NCKAP1L: variants seen among roughly 807,000 people sequenced by gnomAD.
The protein encoded by NCKAP1L is NCK associated protein 1 like, also known as nck-associated protein 1-like.
NCKAP1L carries 53 observed loss-of-function variants against 139.2 expected under a neutral mutation model. The ratio of observed to expected loss-of-function variants is 0.38; its 90% CI spans 0.31 to 0.48. The LOEUF is 0.48. Among genes scored for constraint, NCKAP1L ranks in the 20% least tolerant of loss-of-function variants. NCKAP1L has a pLI of 0.98. For missense variants in NCKAP1L, 1,151 were observed against 1,381.9 expected (o/e 0.83, Z 2.65); for synonymous variants, 468 against 499.7 (o/e 0.94, Z 0.85).
intron 13 of NCKAP1L, among the ~76,000 whole-genome samples, chr12:54,518,200 G>A (rs1213880346): frequency 6.6e-6 from 1 of 152,058 alleles, no homozygotes; most frequent in East Asian, 1.9e-4. Context: ...AAATTAGCCG[G>A]GCATGGTGGT....
chr12:54,522,063 T>C (rs1294506181), intron 18 of NCKAP1L, among the ~76,000 whole-genome samples: 1 of 152,248 alleles, frequency 6.6e-6, no homozygotes, highest in Non-Finnish European at 1.5e-5. Context: ...ACTCAATAAA[T>C]GTTACCTGCT....
chr12:54,521,304 A>C (rs1257645249), intron 18 of NCKAP1L, 66 bp downstream of exon 18: 1 of 1,585,990 alleles, frequency 6.3e-7, no homozygotes, highest in African/African-American at 1.3e-5. Context: ...CCTCTATCTA[A>C]CTTTGTTTCC....
chr12:54,503,145 T>C (rs987676834), intron 3 of NCKAP1L, among the ~76,000 whole-genome samples: 7 of 152,186 alleles, frequency 4.6e-5, no homozygotes, highest in Non-Finnish European at 8.8e-5. Context: ...CCAGCCTTTG[T>C]CTTGTATGAC....
intron 12 of NCKAP1L, 49 bp downstream of exon 12, chr12:54,517,691 C>T: frequency 1.3e-6 from 2 of 1,579,132 alleles, no homozygotes; most frequent in Non-Finnish European, 1.7e-6. Context: ...GGACTGGGGA[C>T]AGGGAGGCAT....
intron 11 of NCKAP1L, 100 bp from the exon 12 acceptor site, chr12:54,517,433 C>A (rs1425114139): frequency 2.4e-4 from 190 of 798,732 alleles, no homozygotes. Flanking sequence ...GTTGTGGCTA[C>A]ACAATTACAT....
Position 54,517,942 on chromosome 12 carries a change from T to G in NCKAP1L, c.1338+4T>G, listed in dbSNP as rs376276224. ...TGTGCTCAGTGACATCATTCAGGTATGATATTTAATTGATTATACTTTGGA... is the reference window on the plus strand; with the variant it reads ...TGTGCTCAGTGACATCATTCAGGTAGGATATTTAATTGATTATACTTTGGA... On this transcript the variant is annotated splice_donor_region_variant and intron_variant, in intron 13 of 30. Transcript: ENST00000293373. 17 of 1,613,900 alleles carry G rather than the reference T, an allele frequency of 1.1e-5. No homozygotes were observed. The highest frequency in any genetic ancestry group is 1.4e-5 in the Non-Finnish European group (16 of 1,179,924).
At chr12:54,531,426 G>C (rs144700335) in intron 23 of NCKAP1L, 65 bp from the exon 24 acceptor site, 16 of 1,606,260 alleles carry the variant, frequency 1.0e-5, no homozygotes, top group Middle Eastern at 1.6e-4. Flanking sequence ...TAGGAGACTG[G>C]GGGGGAAGAT....
intron 9 of NCKAP1L, 189 bp downstream of exon 9, chr12:54,512,294 A>T: frequency 1.9e-6 from 1 of 521,630 alleles, no homozygotes; most frequent in Middle Eastern, 5.3e-4. Flanking sequence ...AATAATGAAT[A>T]AGACAACATG....
intron 27 of NCKAP1L, 75 bp downstream of exon 27, chr12:54,535,272 T>C: frequency 9.0e-7 from 1 of 1,110,482 alleles, no homozygotes; most frequent in Non-Finnish European, 1.4e-6. Flanking sequence ...AATGTCAATG[T>C]CAAAGAAGCC....
At chr12:54,516,365 T>G (rs1162550843) in intron 10 of NCKAP1L, 70 bp downstream of exon 10, 3 of 1,420,332 alleles carry the variant, frequency 2.1e-6, no homozygotes, top group Non-Finnish European at 3.0e-6. Flanking sequence ...TGTTCTCACC[T>G]AAGCCATCCT....
At chr12:54,510,105 G>T in intron 7 of NCKAP1L, 120 bp downstream of exon 7, 1 of 1,334,818 alleles carries the variant, frequency 7.5e-7, no homozygotes, top group South Asian at 1.4e-5. Context: ...TTCTTCTAGG[G>T]TATGTCTCTA....
At chr12:54,519,450 TAA>T in intron 16 of NCKAP1L, 118 bp downstream of exon 16, 2 of 814,720 alleles carry the variant, frequency 2.5e-6, no homozygotes, top group Non-Finnish European at 3.4e-6. Flanking sequence ...TTTTTTTTTT[TAA>T]AGAGACAGAT....
chr12:54,506,794 AAAATATATATATATAT>A (rs1956842968), intron 3 of NCKAP1L, among the ~76,000 whole-genome samples: 1 of 23,748 alleles, frequency 4.2e-5, no homozygotes, highest in African/African-American at 2.4e-4. Flanking sequence ...TTAAAAAAAA[AAAATATATATATATAT>A]ATATATATAT....
At chr12:54,506,830 A>C (rs71447720) in intron 3 of NCKAP1L, among the ~76,000 whole-genome samples, 26,946 of 79,206 alleles carry the variant, frequency 0.34, 3,851 homozygotes, top group Non-Finnish European at 0.41. Flanking sequence ...TATATTCCTT[A>C]ATCTATCAAT....
chr12:54,535,143 G>A lies in NCKAP1L; in HGVS notation c.2902G>A (p.Val968Met). The A allele has an allele frequency of 6.2e-7, 1 of 1,613,780 alleles. No individual in the cohort carries two copies. The highest frequency in any genetic ancestry group is 1.1e-5 in the South Asian group (1 of 91,010). The change falls in exon 27 of 31, where the codon GTG (valine) becomes ATG (methionine). Residue 968 changes from valine to methionine, a missense_variant. Transcript: ENST00000293373. ...SIFELASAAGVGCDIDPALVA... is the reference protein window; with the variant it reads ...SIFELASAAGMGCDIDPALVA... ...CTTTGAGCTGGCATCTGCTGCAGGTGTGGGCTGTGACATTGACCCAGCCTT... is the reference window on the plus strand; with the variant it reads ...CTTTGAGCTGGCATCTGCTGCAGGTATGGGCTGTGACATTGACCCAGCCTT...
At chr12:54,507,793 G>T in intron 3 of NCKAP1L, 60 bp from the exon 4 acceptor site, 1 of 1,490,088 alleles carries the variant, frequency 6.7e-7, no homozygotes, top group East Asian at 2.3e-5. Context: ...CTCAAGTTCT[G>T]GTAGTACGTC....
At chr12:54,535,539 G>T (rs1009849282) in intron 27 of NCKAP1L, among the ~76,000 whole-genome samples, 13 of 152,154 alleles carry the variant, frequency 8.5e-5, no homozygotes, top group Admixed American at 8.5e-4. Flanking sequence ...AACAATGAGA[G>T]AACAATACAA....
At chr12:54,505,499 G>A (rs1306724270) in intron 3 of NCKAP1L, among the ~76,000 whole-genome samples, 1 of 149,460 alleles carries the variant, frequency 6.7e-6, no homozygotes, top group Non-Finnish European at 1.5e-5. Context: ...CTGGCCCCAG[G>A]CAACCACTGA....
At chr12:54,498,018 A>G in intron 1 of NCKAP1L, 127 bp downstream of exon 1, 1 of 624,082 alleles carries the variant, frequency 1.6e-6, no homozygotes, top group Non-Finnish European at 2.9e-6. Context: ...ACTATAATCT[A>G]CATAATCACT....
Sources: allele counts gnomAD v4.1 joint callset (sites outside exome capture counted in the v4.1 genomes callset), GRCh38; gene constraint gnomAD v4.1.1; transcripts MANE v1.5; gene names NCBI Gene and HGNC (gene_info 2026-07-23, HGNC 2026-07-21).